MIAT: variants seen among roughly 807,000 people sequenced by gnomAD.
MIAT encodes the protein MI related novel mRNA.
At chr22:26,669,883 G>C (rs938955478), downstream of MIAT, 40 of 398,634 alleles carry the variant, frequency 1.0e-4, no homozygotes, top group Admixed American at 4.4e-5. Context: ...ACAACCCTGG[G>C]CAAGTTACTT....
At chr22:26,669,204 G>A in exon 6 of MIAT, 1 of 398,796 alleles carries the variant, frequency 2.5e-6, no homozygotes, top group Non-Finnish European at 4.4e-6. Context: ...CCTTAGGCAA[G>A]TTTAAAAGCC....
chr22:26,657,064 C>T (rs528302243), intron 2 of MIAT, among the ~76,000 whole-genome samples: 3 of 152,382 alleles, frequency 2.0e-5, no homozygotes, highest in Admixed American at 6.5e-5. Context: ...CCGAGGTCTT[C>T]CTGGTTAAGC....
downstream of MIAT, chr22:26,674,091 C>G (rs1489064990): frequency 2.5e-6 from 1 of 398,458 alleles, no homozygotes; most frequent in Non-Finnish European, 4.4e-6. Flanking sequence ...ATTTTGGGGA[C>G]TTTGTGTTTT....
chr22:26,666,575 G>C (rs1423979401), exon 4 of MIAT: 17 of 398,576 alleles, frequency 4.3e-5, no homozygotes, highest in Non-Finnish European at 7.5e-5. Flanking sequence ...CTGCTATTCA[G>C]CTATCACCAA....
downstream of MIAT, chr22:26,672,684 A>G (rs905055426): frequency 1.0e-5 from 4 of 398,996 alleles, no homozygotes; most frequent in African/African-American, 8.2e-5. Context: ...CCCACGAGGA[A>G]GGCAGGAGGG....
At chr22:26,663,218 C>T (rs748140046) in intron 2 of MIAT, 7 of 396,946 alleles carry the variant, frequency 1.8e-5, no homozygotes, top group South Asian at 1.3e-4. Flanking sequence ...TTTTGGGAAA[C>T]GCTGTGATTT....
chr22:26,650,212 A>AC (rs1930312784), intron 2 of MIAT: 1 of 152,090 alleles, frequency 6.6e-6, no homozygotes, highest in Non-Finnish European at 1.5e-5. Context: ...AGGGAGAGAC[A>AC]CCCGGGTTGT....
chr22:26,672,666 G>GGGCGTATCCCACGAGGAA, downstream of MIAT: 1 of 399,066 alleles, frequency 2.5e-6, no homozygotes, highest in Non-Finnish European at 4.4e-6. Flanking sequence ...GTCACGAGGG[G>GGGCGTATCCCACGAGGAA]GGCGTATCCC....
downstream of MIAT, chr22:26,672,450 G>A (rs966207578): frequency 1.0e-5 from 4 of 399,278 alleles, no homozygotes; most frequent in Non-Finnish European, 1.8e-5. Flanking sequence ...GCTGGACTCT[G>A]AGTATGACAT....
chr22:26,647,227 C>T (rs149980009), exon 2 of MIAT: 7 of 398,506 alleles, frequency 1.8e-5, no homozygotes, highest in South Asian at 1.3e-4. Context: ...AAGATTTAGT[C>T]ATTCTTCTGG....
downstream of MIAT, chr22:26,672,463 C>T (rs1375575142): frequency 1.0e-5 from 4 of 399,328 alleles, no homozygotes; most frequent in African/African-American, 2.1e-5. Context: ...TATGACATCT[C>T]TCCTATGTGC....
rs529854376 is a variant in MIAT, at chr22:26,675,799, C to G, written n.9467C>G. 5 of 398,618 alleles carry G rather than the reference C, an allele frequency of 1.3e-5. No homozygotes were observed. The South Asian group carries it at 5.1e-4, about 41-fold the overall frequency. The allele number at this position is 398,618 out of a possible 1,614,324, so 24.7% of individuals were successfully genotyped here. A position where few individuals can be genotyped will look rare whatever the true frequency, so the allele number is the denominator to read the frequency against. On this transcript the variant is annotated non_coding_transcript_exon_variant, in exon 5 of 5. Transcript: ENST00000613780. ...CATGCATGGCTGCAAGGGGCAGATA[C>G]AAGTGTGGAGTAAGCTTGCAAGAGC...
chr22:26,674,405 TAGTCAG>T, downstream of MIAT: 1 of 398,834 alleles, frequency 2.5e-6, no homozygotes, highest in East Asian at 3.6e-5. Flanking sequence ...CTCAGTCTGG[TAGTCAG>T]AGTCTGCAGG....
exon 5 of MIAT, chr22:26,676,128 T>A (rs1931254320): frequency 2.5e-6 from 1 of 397,362 alleles, no homozygotes; most frequent in East Asian, 3.6e-5. Context: ...TCTTAATAGG[T>A]TGTGCTGTGG....
chr22:26,663,681 C>A (rs1466370265), intron 3 of MIAT, among the ~76,000 whole-genome samples: 1 of 152,132 alleles, frequency 6.6e-6, no homozygotes, highest in Non-Finnish European at 1.5e-5. Flanking sequence ...CTTTTTAGTT[C>A]CAGTCCTCTT....
exon 4 of MIAT, chr22:26,666,839 G>T: frequency 2.5e-6 from 1 of 399,084 alleles, no homozygotes; most frequent in Non-Finnish European, 4.4e-6. Context: ...CTGCGGTGTG[G>T]TTGGCTCTTT....
downstream of MIAT, chr22:26,673,440 G>C (rs1305386627): frequency 2.5e-6 from 1 of 398,782 alleles, no homozygotes; most frequent in Non-Finnish European, 4.4e-6. Context: ...ACCTGGCCCT[G>C]TCTGGGGGTT....
chr22:26,649,064 C>A (rs2145996689), intron 2 of MIAT, among the ~76,000 whole-genome samples: 1 of 152,080 alleles, frequency 6.6e-6, no homozygotes, highest in Non-Finnish European at 1.5e-5. Flanking sequence ...AGTTCAAAGT[C>A]ATATTTCATA....
At chr22:26,650,030 T>C (rs1460009867) in intron 2 of MIAT, among the ~76,000 whole-genome samples, 1 of 152,202 alleles carries the variant, frequency 6.6e-6, no homozygotes, top group Non-Finnish European at 1.5e-5. Flanking sequence ...CGCTAACAAC[T>C]TGCTCATAGT....
Sources: allele counts gnomAD v4.1 joint callset (sites outside exome capture counted in the v4.1 genomes callset), GRCh38; gene constraint gnomAD v4.1.1; transcripts MANE v1.5; gene names NCBI Gene and HGNC (gene_info 2026-07-23, HGNC 2026-07-21).